Variants in CIMAP2 observed in about 807,000 individuals in gnomAD.
CIMAP2 encodes the protein ciliary microtubule associated protein 2.
chr1:54,823,632 C>A, the CIMAP2 span, among the ~76,000 whole-genome samples: 15,501 of 152,220 alleles, frequency 0.1, 919 homozygotes, highest in Non-Finnish European at 0.13. Context: ...TTTTATATAT[C>A]TTTTGTTCCT....
the CIMAP2 span, chr1:54,812,111 C>G: frequency 5.6e-6 from 9 of 1,614,198 alleles, no homozygotes; most frequent in East Asian, 2.0e-4. Context: ...TGGCACGATC[C>G]GTCGGCACCC....
the CIMAP2 span, among the ~76,000 whole-genome samples, chr1:54,808,894 C>A: frequency 3.1e-5 from 1 of 31,920 alleles, no homozygotes; most frequent in African/African-American, 9.6e-5. Flanking sequence ...CCCAGCCCCT[C>A]ATATAGGCCA....
At chr1:54,807,224 G>T in the CIMAP2 span, 1 of 963,008 alleles carries the variant, frequency 1.0e-6, no homozygotes, top group East Asian at 2.5e-5. Flanking sequence ...CCCACAGTGG[G>T]GGCTTCCAGT....
the CIMAP2 span, chr1:54,811,765 G>GCCGGGGGGGGGCCCCCCCCCCCC: frequency 2.4e-5 from 31 of 1,301,234 alleles, no homozygotes; most frequent in East Asian, 5.0e-5. Context: ...GGTTCTGACA[G>GCCGGGGGGGGGCCCCCCCCCCCC]CCTCCATGCC....
At chr1:54,834,190 A>T in the CIMAP2 span, among the ~76,000 whole-genome samples, 2,528 of 152,200 alleles carry the variant, frequency 0.017, 91 homozygotes, top group African/African-American at 0.058. Flanking sequence ...GAAAACTCCT[A>T]TTCACCCATC....
At chr1:54,814,674 T>C in the CIMAP2 span, among the ~76,000 whole-genome samples, 1 of 152,282 alleles carries the variant, frequency 6.6e-6, no homozygotes, top group South Asian at 2.1e-4. Context: ...CACCAGACAA[T>C]GAAGGCCCTT....
the CIMAP2 span, chr1:54,812,190 G>A: frequency 6.2e-7 from 1 of 1,614,184 alleles, no homozygotes; most frequent in Non-Finnish European, 8.5e-7. Context: ...CTCCATGCAG[G>A]TGTGTACCCA....
chr1:54,814,252 C>T, the CIMAP2 span, among the ~76,000 whole-genome samples: 3 of 152,176 alleles, frequency 2.0e-5, no homozygotes, highest in Non-Finnish European at 4.4e-5. Context: ...ACCCAGGAAG[C>T]GCCCAGCCAG....
chr1:54,807,911 C>A, the CIMAP2 span: 113 of 1,604,030 alleles, frequency 7.0e-5, no homozygotes, highest in Middle Eastern at 8.3e-4. Context: ...GGCCCCGGCT[C>A]CTACAACCTC....
At chr1:54,819,081 C>A in the CIMAP2 span, among the ~76,000 whole-genome samples, 91,692 of 151,798 alleles carry the variant, frequency 0.6, 28,407 homozygotes, top group South Asian at 0.73. Context: ...TTGGCAGGGG[C>A]CCTGGTCTTT....
At chr1:54,806,317 C>G in the CIMAP2 span, 8 of 1,237,706 alleles carry the variant, frequency 6.5e-6, no homozygotes, top group South Asian at 1.2e-4. Context: ...GGGTGTCCAC[C>G]TACACACAGG....
chr1:54,816,983 T>C, the CIMAP2 span: 1 of 1,614,076 alleles, frequency 6.2e-7, no homozygotes, highest in African/African-American at 1.3e-5. Flanking sequence ...CCTCTCCCTG[T>C]TGCAGAACCC....
the CIMAP2 span, chr1:54,811,766 C>CGGGGGGGGGGGGCG: frequency 5.4e-6 from 7 of 1,305,182 alleles, no homozygotes; most frequent in Non-Finnish European, 7.6e-6. Context: ...GTTCTGACAG[C>CGGGGGGGGGGGGCG]CTCCATGCCC....
At chr1:54,836,320 C>A in the CIMAP2 span, among the ~76,000 whole-genome samples, 2 of 150,194 alleles carry the variant, frequency 1.3e-5, no homozygotes, top group Non-Finnish European at 3.0e-5. Flanking sequence ...TGCCTGCCTG[C>A]CTGCCTGCCT....
At chr1:54,832,798 C>T in the CIMAP2 span, among the ~76,000 whole-genome samples, 2 of 152,132 alleles carry the variant, frequency 1.3e-5, no homozygotes, top group Non-Finnish European at 2.9e-5. Flanking sequence ...GAGGCCGAGG[C>T]AGGAGGATCA....
At chr1:54,820,027 T>C in the CIMAP2 span, among the ~76,000 whole-genome samples, 1 of 142,938 alleles carries the variant, frequency 7.0e-6, no homozygotes. Context: ...TTTCCTTCCT[T>C]CCTTCCTTCA....
chr1:54,821,833 C>T, the CIMAP2 span, among the ~76,000 whole-genome samples: 1 of 149,070 alleles, frequency 6.7e-6, no homozygotes, highest in Admixed American at 6.7e-5. Flanking sequence ...ATGTTGTCTG[C>T]AAGGAGGGAC....
At chr1:54,811,765 G>GGGGGGGGGGGGGGCCCCCCCCCCCC in the CIMAP2 span, 1 of 1,301,332 alleles carries the variant, frequency 7.7e-7, no homozygotes, top group South Asian at 1.2e-5. Context: ...GGTTCTGACA[G>GGGGGGGGGGGGGGCCCCCCCCCCCC]CCTCCATGCC....
the CIMAP2 span, among the ~76,000 whole-genome samples, chr1:54,833,730 C>T: frequency 1.4e-4 from 21 of 152,308 alleles, no homozygotes; most frequent in South Asian, 8.3e-4. Context: ...TTTTTTACTC[C>T]GTCTGGTCTA....
Sources: allele counts gnomAD v4.1 joint callset (sites outside exome capture counted in the v4.1 genomes callset), GRCh38; gene constraint gnomAD v4.1.1; transcripts MANE v1.5; gene names NCBI Gene and HGNC (gene_info 2026-07-23, HGNC 2026-07-21).